TBC1D24: variants seen among roughly 807,000 people sequenced by gnomAD.
TBC1D24 encodes TBC1 domain family member 24, also known as Infantile myoclonic epilepsy.
A neutral mutation model predicts 50.7 loss-of-function variants in TBC1D24; 47 were observed. That is an observed-to-expected ratio of 0.93 (90% CI 0.73 to 1.18). The LOEUF (loss-of-function observed/expected upper bound fraction) is 1.18, where lower values mean the gene tolerates loss of function less well. Among genes scored for constraint, TBC1D24 ranks in the 50% most tolerant of loss-of-function variants. The probability of loss-of-function intolerance (pLI) is 0.00; values close to 1 mark genes in which losing one functional copy is unlikely to be tolerated. For synonymous variants in TBC1D24, 324 were observed against 335.2 expected (o/e 0.97, Z 0.36); for missense variants, 688 against 766.5 (o/e 0.90, Z 1.21).
At chr16:2,493,865 CA>C (rs2065716277) in intron 1 of TBC1D24, among the ~76,000 whole-genome samples, 1 of 152,204 alleles carries the variant, frequency 6.6e-6, no homozygotes, top group South Asian at 2.1e-4. Flanking sequence ...GGAGAAACAC[CA>C]ACCACCCCCA....
intron 1 of TBC1D24, chr16:2,479,947 C>T (rs1190599799): frequency 2.0e-5 from 3 of 152,142 alleles, no homozygotes; most frequent in African/African-American, 4.8e-5. Context: ...ATTCTTCTGC[C>T]TCATCCTCCC....
chr16:2,501,080 C>T lies in TBC1D24; in HGVS notation c.*122C>T. 2 of 1,338,020 alleles carry T rather than the reference C, an allele frequency of 1.5e-6. No homozygotes were observed. Among genetic ancestry groups the T allele is most frequent in the Non-Finnish European group, 2.0e-6 (2 of 976,370 alleles). The allele number at this position is 1,338,020 out of a possible 1,614,324, so 82.9% of individuals were successfully genotyped here. ...AGGCAGGGTTGGGGGACGGCAGGACCCCATGGCCAAGCCTGGCGTTGCCTG... is the reference window on the plus strand; with the variant it reads ...AGGCAGGGTTGGGGGACGGCAGGACTCCATGGCCAAGCCTGGCGTTGCCTG... On this transcript the variant is annotated 3_prime_UTR_variant, in exon 8 of 8. Coordinates refer to ENST00000646147, the MANE Select transcript of TBC1D24 (RefSeq NM_001199107.2).
rs763760046 is a variant in TBC1D24, at chr16:2,499,404, A to G, written c.1190A>G (p.Lys397Arg). 1.9e-6 allele frequency: 3 copies of G among 1,613,644 alleles called. No individual in the cohort carries two copies. Among genetic ancestry groups the G allele is most frequent in the Non-Finnish European group, 1.7e-6 (2 of 1,179,860 alleles). ...EGHEPTLLLI[K>R]TTQKEVCGAY... is the part of the protein sequence containing the mutation. The stretch of plus-strand genomic sequence containing the variant: ...CATGAGCCTACCCTCTTGCTCATCA[A>G]GACCACGCAGAAGGAGGTGAGCAGG... Residue 397 changes from lysine (K) to arginine (R), a missense_variant, in exon 5 of 8, where the codon AAG becomes AGG. By Grantham distance (26) the Lys-to-Arg change is conservative. Transcript: ENST00000646147. This position sits in a 1 kb window ranked among gnomAD's most constrained non-coding sequence, Gnocchi z 4.0.
At chr16:2,477,006 G>C (rs1186506783) in intron 1 of TBC1D24, 1 of 152,178 alleles carries the variant, frequency 6.6e-6, no homozygotes, top group African/African-American at 2.4e-5. Context: ...GATGGTTTCT[G>C]GTTTAAAGTA....
chr16:2,492,321 T>C (rs1371257696), intron 1 of TBC1D24, among the ~76,000 whole-genome samples: 1 of 152,084 alleles, frequency 6.6e-6, no homozygotes, highest in Non-Finnish European at 1.5e-5. Flanking sequence ...CGCCGGACCA[T>C]TCGCGGCAGT....
Position 2,496,815 on chromosome 16 carries a change from T to G in TBC1D24, c.667T>G (p.Cys223Gly). ...QRWLFGELPL[C>G]YFARVFDVFL... Reference sequence around the variant, plus strand: ...CTGGCTGTTTGGGGAGCTGCCCCTCTGCTACTTCGCCCGGGTCTTTGACGT... The same window carrying G: ...CTGGCTGTTTGGGGAGCTGCCCCTCGGCTACTTCGCCCGGGTCTTTGACGT... The change falls in exon 2 of 8, where the codon TGC becomes GGC. Residue 223 changes from cysteine (C) to glycine (G), a missense_variant. Physicochemically the swap from Cys to Gly is radical, Grantham distance 159. Transcript: ENST00000646147. 3 of 1,614,040 alleles carry G rather than the reference T, an allele frequency of 1.9e-6. No homozygotes were observed. The highest frequency in any genetic ancestry group is 2.5e-6 in the Non-Finnish European group (3 of 1,180,034).
rs752216831 is a variant in TBC1D24, at chr16:2,499,410, C to CGCA, written c.1198_1200dup (p.Gln400dup). ...CCTACCCTCTTGCTCATCAAGACCA[C>CGCA]GCAGAAGGAGGTGAGCAGGGGCCCT... On this transcript the variant is annotated inframe_insertion, in exon 5 of 8. Transcript: ENST00000646147. The surrounding 1 kb of genome is among the most constrained non-coding windows in gnomAD (Gnocchi z 4.0). 23 of 1,613,422 alleles carry CGCA rather than the reference C, an allele frequency of 1.4e-5. No homozygotes were observed. Among genetic ancestry groups the CGCA allele is most frequent in the Non-Finnish European group, 1.5e-5 (18 of 1,179,834 alleles).
chr16:2,498,743 CGGG>C lies in TBC1D24; in HGVS notation c.1142+350_1142+352del, dbSNP rs372636423. 1.6e-3 allele frequency among the ~76,000 whole-genome samples: 243 copies of C among 152,348 alleles called. 3 individuals are homozygous for C. The highest frequency in any genetic ancestry group is 1.0e-2 in the Admixed American group (153 of 15,308). ...CCCTGTCATCCACATGGTGCTCTGT[CGGG>C]GGCCTGGGGCATGCTGCCCTCCAGG... On this transcript the variant is annotated intron_variant, in intron 4 of 7. Coordinates refer to ENST00000646147, the MANE Select transcript of TBC1D24 (RefSeq NM_001199107.2).
Position 2,503,582 on chromosome 16 carries a change from T to C in TBC1D24, c.*2624T>C, listed in dbSNP as rs2065811278. 6.6e-6 allele frequency: 1 copy of C among 151,776 alleles called. No homozygotes were observed. Among genetic ancestry groups the C allele is most frequent in the African/African-American group, 2.4e-5 (1 of 41,374 alleles). 9.4% of individuals were successfully genotyped at this position (151,776 alleles called of 1,614,324 possible). A position where few individuals can be genotyped will look rare whatever the true frequency, so the allele number is the denominator to read the frequency against. ...AATTATTTTTTGATTTTTTTTTTTT[T>C]TGGGACAGAGTCACCCAGGCTGGAG... is the stretch of plus-strand genomic sequence containing the variant. On this transcript the variant is annotated 3_prime_UTR_variant, in exon 8 of 8. Coordinates refer to ENST00000646147, the MANE Select transcript of TBC1D24 (RefSeq NM_001199107.2).
In TBC1D24 at chr16:2,482,135, G is replaced by T. The variant is rs961633385; in HGVS notation, c.-116+6965G>T. 6.6e-6 allele frequency: 1 copy of T among 152,286 alleles called. No individual in the cohort carries two copies. Among genetic ancestry groups the T allele is most frequent in the African/African-American group, 2.4e-5 (1 of 41,474 alleles). 9.4% of individuals were successfully genotyped at this position (152,286 alleles called of 1,614,324 possible). ...GGGTGGACTAGTAATGCTCCCTGTT[G>T]TTATTTGGCCTTCAAAATTAAATTT... On this transcript the variant is annotated intron_variant, in intron 1 of 7. Coordinates refer to ENST00000646147, the MANE Select transcript of TBC1D24 (RefSeq NM_001199107.2). The surrounding 1 kb of genome is among the most constrained non-coding windows in gnomAD (Gnocchi z 5.2).
Position 2,496,724 on chromosome 16 carries a change from G to A in TBC1D24, c.576G>A (p.Gln192=). Residue 192 remains glutamine (Q), a synonymous_variant, in exon 2 of 8, where the codon CAG becomes CAA. Transcript: ENST00000646147. ...GGGACCTGGTGAACAAGTACTGCCAGGCGGCCCACAAGCTGATGGTGGCCG... is the reference window on the plus strand; with the variant it reads ...GGGACCTGGTGAACAAGTACTGCCAAGCGGCCCACAAGCTGATGGTGGCCG... ...TFGDLVNKYC[Q]AAHKLMVAVS... The A allele has an allele frequency of 1.2e-6, 2 of 1,613,784 alleles. No homozygotes were observed. The highest frequency in any genetic ancestry group is 1.7e-6 in the Non-Finnish European group (2 of 1,180,044).
intron 1 of TBC1D24, chr16:2,477,135 CT>C (rs2141850000): frequency 6.6e-6 from 1 of 152,332 alleles, no homozygotes; most frequent in East Asian, 1.9e-4. Context: ...GAAAGAAGTC[CT>C]TTTCAACTCA....
Position 2,496,737 on chromosome 16 carries a change from C to A in TBC1D24, c.589C>A (p.Leu197Met). 1 of 1,613,874 alleles carries A rather than the reference C, an allele frequency of 6.2e-7. No homozygotes were observed. The highest frequency in any genetic ancestry group is 8.5e-7 in the Non-Finnish European group (1 of 1,180,044). ...VNKYCQAAHK[L>M]MVAVSEDVLQ... is the part of the protein sequence containing the mutation. ...CAAGTACTGCCAGGCGGCCCACAAGCTGATGGTGGCCGTGTCGGAGGATGT... is the reference window on the plus strand; with the variant it reads ...CAAGTACTGCCAGGCGGCCCACAAGATGATGGTGGCCGTGTCGGAGGATGT... The change falls in exon 2 of 8, where the codon CTG becomes ATG. Residue 197 changes from leucine (L) to methionine (M), a missense_variant. Transcript: ENST00000646147.
chr16:2,498,175 T>C (rs2065759502), intron 3 of TBC1D24, 63 bp from the exon 4 acceptor site: 1 of 1,542,358 alleles, frequency 6.5e-7, no homozygotes, highest in Admixed American at 2.0e-5. Flanking sequence ...GGGGCATACC[T>C]CGGGGGGCAT....
In TBC1D24 at chr16:2,499,173, T is replaced by C. The variant is rs890830993; in HGVS notation, c.1143-184T>C. Among the ~76,000 whole-genome samples the C allele has an allele frequency of 1.3e-5, 2 of 152,126 alleles. No individual in the cohort carries two copies. Among genetic ancestry groups the C allele is most frequent in the Admixed American group, 6.5e-5 (1 of 15,274 alleles). ...CCCTGAGTCACACCAGGGCAGGCTG[T>C]CCTGGGGATGGCAGAGAAGGGCCAG... is the stretch of plus-strand genomic sequence containing the variant. On this transcript the variant is annotated intron_variant, in intron 4 of 7. Coordinates refer to ENST00000646147, the MANE Select transcript of TBC1D24 (RefSeq NM_001199107.2). This position sits in a 1 kb window ranked among gnomAD's most constrained non-coding sequence, Gnocchi z 4.0.
intron 1 of TBC1D24, among the ~76,000 whole-genome samples, chr16:2,495,648 G>A (rs2065730504): frequency 6.6e-6 from 1 of 152,204 alleles, no homozygotes; most frequent in Non-Finnish European, 1.5e-5. Flanking sequence ...GCATGGTGGT[G>A]CATGCCTTTA....
At position 2,496,474 on chromosome 16, in the gene TBC1D24, G is replaced by T. The variant is rs746543920; in HGVS notation, c.326G>T (p.Arg109Leu). Residue 109 changes from arginine to leucine, a missense_variant, in exon 2 of 8, where the codon CGC becomes CTC. Physicochemically the swap from Arg to Leu is moderately radical, Grantham distance 102. Transcript: ENST00000646147. The stretch of plus-strand genomic sequence containing the variant: ...GTGCCCAGCTACTGCCTGAATGCAC[G>T]CGGCGAGGGGGCCGTGCGCAAGATC... The part of the protein sequence containing the change: ...TQVPSYCLNA[R>L]GEGAVRKILL... 1 of 1,611,108 alleles carries T rather than the reference G, an allele frequency of 6.2e-7. No individual in the cohort carries two copies. The highest frequency in any genetic ancestry group is 1.1e-5 in the South Asian group (1 of 91,058).
Position 2,485,249 on chromosome 16 carries a change from TA to T in TBC1D24, c.-116+10080del. The T allele has an allele frequency of 6.6e-6, 1 of 152,284 alleles. No homozygotes were observed. The allele number at this position is 152,284 out of a possible 1,614,324, so 9.4% of individuals were successfully genotyped here. On this transcript the variant is annotated intron_variant, in intron 1 of 7. Transcript: ENST00000646147. The surrounding 1 kb of genome is among the most constrained non-coding windows in gnomAD (Gnocchi z 4.6). Reference sequence around the variant, plus strand: ...AAAGACCAAGGCAGGATTAGCGGGTTAGAACTTTCAGCCCCACCCCCAACCG... The same window carrying T: ...AAAGACCAAGGCAGGATTAGCGGGTTGAACTTTCAGCCCCACCCCCAACCG...
Position 2,480,960 on chromosome 16 carries a change from A to G in TBC1D24, c.-116+5790A>G, listed in dbSNP as rs2065606150. 2.6e-5 allele frequency: 4 copies of G among 152,368 alleles called. No individual in the cohort carries two copies. In the South Asian group the frequency reaches 8.3e-4, roughly 32 times the overall value. The allele number at this position is 152,368 out of a possible 1,614,324, so 9.4% of individuals were successfully genotyped here. A position where few individuals can be genotyped will look rare whatever the true frequency, so the allele number is the denominator to read the frequency against. On this transcript the variant is annotated intron_variant, in intron 1 of 7. Transcript: ENST00000646147. ...TTAGTCAGAGCCCCAAAGGACACTC[A>G]CCGGCCCACGTTCTCATGGAGCTGG...
Sources: gnomAD v4.1 joint callset for allele counts (sites outside exome capture counted in the v4.1 genomes callset) on GRCh38, gnomAD v4.1.1 for gene constraint, Gnocchi (gnomAD v3.1) non-coding constraint, MANE v1.5 for transcripts, NCBI Gene and HGNC (gene_info 2026-07-23, HGNC 2026-07-21) for gene names.